Variants in OSBPL9 observed in about 807,000 individuals in gnomAD.
The protein encoded by OSBPL9 is oxysterol binding protein like 9, also known as oxysterol-binding protein-related protein 9.
A neutral mutation model predicts 106.6 loss-of-function variants in OSBPL9; 40 were observed. The ratio of observed to expected loss-of-function variants is 0.38; its 90% CI spans 0.29 to 0.49. OSBPL9 has a LOEUF of 0.49. Among genes scored for constraint, OSBPL9 ranks in the 20% least tolerant of loss-of-function variants. The pLI is 0.97. For synonymous variants in OSBPL9, 269 were observed against 295.4 expected, an observed-to-expected ratio of 0.91 and a Z score of 0.92; for missense variants, 609 against 887.2, an observed-to-expected ratio of 0.69 and a Z score of 3.98.
In OSBPL9 at chr1:51,633,105, C is replaced by T. The variant is rs752027425; in HGVS notation, c.111+15884C>T. 5.4e-4 allele frequency among the ~76,000 whole-genome samples: 82 copies of T among 152,018 alleles called. 1 individual carries two copies. Among genetic ancestry groups the T allele is most frequent in the Admixed American group, 4.6e-3 (71 of 15,286 alleles). On this transcript the variant is annotated intron_variant, in intron 1 of 23. Coordinates refer to ENST00000428468, the MANE Select transcript of OSBPL9 (RefSeq NM_024586.6). ...CCAGGTAGCTGGAATTACAGGTGTT[C>T]GCCACCACGCCTGGCTAATTTTTTT...
At chr1:51,615,602 T>C (rs1644034020), upstream of OSBPL9, among the ~76,000 whole-genome samples, 1 of 152,198 alleles carries the variant, frequency 6.6e-6, no homozygotes, top group South Asian at 2.1e-4. Flanking sequence ...TTCTCTAGTG[T>C]CTTCGATCTA....
At chr1:51,632,083 C>T (rs1025076732) in intron 1 of OSBPL9, among the ~76,000 whole-genome samples, 7 of 151,996 alleles carry the variant, frequency 4.6e-5, no homozygotes, top group African/African-American at 1.7e-4. Context: ...GGCTGTTTTA[C>T]AGTTAACTTT....
At chr1:51,669,543 A>C in intron 3 of OSBPL9, 31 bp downstream of exon 3, 1 of 1,595,856 alleles carries the variant, frequency 6.3e-7, no homozygotes, top group Non-Finnish European at 8.6e-7. Context: ...CTTTCTCTTC[A>C]TAGTCCCATC....
chr1:51,640,125 T>A (rs2148672060), intron 1 of OSBPL9, among the ~76,000 whole-genome samples: 1 of 152,278 alleles, frequency 6.6e-6, no homozygotes, highest in East Asian at 1.9e-4. Context: ...GCCACCATAC[T>A]TGGCCATTCT....
intron 10 of OSBPL9, among the ~76,000 whole-genome samples, chr1:51,761,367 A>G (rs569736024): frequency 2.0e-5 from 3 of 151,808 alleles, no homozygotes; most frequent in South Asian, 2.1e-4. Flanking sequence ...CTTTTGTTAT[A>G]TCCAACATTT....
intron 12 of OSBPL9, among the ~76,000 whole-genome samples, chr1:51,768,433 C>T (rs896134734): frequency 1.3e-5 from 2 of 151,918 alleles, no homozygotes; most frequent in African/African-American, 2.4e-5. Flanking sequence ...AGGCTGGTGT[C>T]GAACTCCTGA....
the OSBPL9 span, among the ~76,000 whole-genome samples, chr1:51,568,845 TG>T: frequency 1.3e-5 from 2 of 152,198 alleles, no homozygotes; most frequent in African/African-American, 4.8e-5. Context: ...TTATCCTGCC[TG>T]GTATTACAGG....
At chr1:51,725,853 A>G (rs944404768) in intron 4 of OSBPL9, among the ~76,000 whole-genome samples, 1 of 152,124 alleles carries the variant, frequency 6.6e-6, no homozygotes, top group African/African-American at 2.4e-5. Context: ...TGGAGTTTAT[A>G]TCTTTCAGAC....
At chr1:51,568,678 T>A in the OSBPL9 span, among the ~76,000 whole-genome samples, 1 of 152,222 alleles carries the variant, frequency 6.6e-6, no homozygotes, top group African/African-American at 2.4e-5. Flanking sequence ...GCAATTCTGC[T>A]GCCTCAGCCT....
intron 2 of OSBPL9, among the ~76,000 whole-genome samples, chr1:51,660,754 A>G (rs1305284654): frequency 1.3e-5 from 2 of 152,156 alleles, no homozygotes; most frequent in African/African-American, 2.4e-5. Context: ...TCCCTTCTAT[A>G]TTATTGATTC....
chr1:51,772,751 G>T (rs116521013), intron 14 of OSBPL9, 28 bp downstream of exon 14: 4 of 1,493,262 alleles, frequency 2.7e-6, no homozygotes, highest in South Asian at 2.3e-5. Flanking sequence ...GTAAGTCTGT[G>T]TGGGTATGTA....
intron 3 of OSBPL9, among the ~76,000 whole-genome samples, chr1:51,673,118 GAGA>G (rs757212770): frequency 1.3e-5 from 2 of 152,150 alleles, no homozygotes; most frequent in Non-Finnish European, 2.9e-5. Context: ...AAAAGAGATT[GAGA>G]AGAAGCAACC....
intron 3 of OSBPL9, among the ~76,000 whole-genome samples, chr1:51,682,373 C>T (rs910342551): frequency 6.6e-5 from 10 of 152,136 alleles, no homozygotes; most frequent in African/African-American, 1.2e-4. Context: ...AGATATGTAA[C>T]GCACTCCCCG....
intron 1 of OSBPL9, among the ~76,000 whole-genome samples, chr1:51,638,094 T>C (rs578218524): frequency 1.3e-5 from 2 of 152,304 alleles, no homozygotes; most frequent in African/African-American, 4.8e-5. Context: ...GAAGGCAGCC[T>C]TGTTCCCAGG....
chr1:51,782,693 T>C (rs1446868089), intron 17 of OSBPL9, 50 bp downstream of exon 17: 1 of 1,538,246 alleles, frequency 6.5e-7, no homozygotes, highest in Non-Finnish European at 9.0e-7. Context: ...CTATTCTGTC[T>C]AAAGAGGGTC....
chr1:51,643,738 T>C (rs146178800), intron 1 of OSBPL9, among the ~76,000 whole-genome samples: 1 of 152,144 alleles, frequency 6.6e-6, no homozygotes, highest in African/African-American at 2.4e-5. Flanking sequence ...TCCTGGCTCC[T>C]GTGTGGAGAA....
At chr1:51,624,562 G>T (rs1017612847) in intron 1 of OSBPL9, among the ~76,000 whole-genome samples, 13 of 151,950 alleles carry the variant, frequency 8.6e-5, no homozygotes, top group Non-Finnish European at 1.8e-4. Flanking sequence ...TCTAGCCTGG[G>T]TGACAGAGTG....
chr1:51,758,570 C>T (rs867317429), intron 9 of OSBPL9, among the ~76,000 whole-genome samples: 2 of 152,110 alleles, frequency 1.3e-5, no homozygotes, highest in African/African-American at 2.4e-5. Flanking sequence ...ACAGTGGCCT[C>T]TCATAATTTT....
At chr1:51,760,509 A>G (rs1671256919) in intron 9 of OSBPL9, 181 bp from the exon 10 acceptor site, 4 of 757,268 alleles carry the variant, frequency 5.3e-6, no homozygotes, top group African/African-American at 1.8e-5. Context: ...TTTCCTTACT[A>G]TGCTTTAAGC....
Sources: allele counts gnomAD v4.1 joint callset (sites outside exome capture counted in the v4.1 genomes callset), GRCh38; gene constraint gnomAD v4.1.1; transcripts MANE v1.5; gene names NCBI Gene and HGNC (gene_info 2026-07-23, HGNC 2026-07-21).